GPM6A: variants seen among roughly 807,000 people sequenced by gnomAD.
GPM6A encodes the protein neuronal membrane glycoprotein M6-a.
Under a neutral mutation model 32.1 loss-of-function variants are expected in GPM6A, and 7 were observed. The ratio of observed to expected loss-of-function variants is 0.22; its 90% confidence interval spans 0.12 to 0.41. The LOEUF (loss-of-function observed/expected upper bound fraction) is 0.41. Among genes scored for constraint, GPM6A ranks in the 10% least tolerant of loss-of-function variants. The pLI is 1.00. For synonymous variants in GPM6A, 130 were observed against 123.4 expected (o/e 1.05, Z -0.35); for missense variants, 235 against 347.2 (o/e 0.68, Z 2.57).
intron 1 of GPM6A, among the ~76,000 whole-genome samples, chr4:175,952,285 T>A (rs1051290903): frequency 1.3e-5 from 2 of 152,220 alleles, no homozygotes; most frequent in African/African-American, 4.8e-5. Flanking sequence ...GATACTATAT[T>A]CCTTAAGAAG....
intron 1 of GPM6A, chr4:175,961,205 AT>A (rs1487854414): frequency 6.6e-6 from 1 of 152,202 alleles, no homozygotes; most frequent in African/African-American, 2.4e-5. Context: ...CTCTCGAAAT[AT>A]GCAAATTTTC....
Position 175,689,016 on chromosome 4 carries a change from C to A in GPM6A, c.230+12559G>T, listed in dbSNP as rs896166431. On this transcript the variant is annotated intron_variant, in intron 2 of 6. Transcript: ENST00000393658. The stretch of plus-strand genomic sequence containing the variant: ...TACAGGCAGGCACCACCATGCCTGG[C>A]TAATTATTCTACTTTTTTTGTAGAG... Among the ~76,000 whole-genome samples the A allele has an allele frequency of 2.6e-5, 4 of 152,068 alleles. No homozygotes were observed. In the East Asian group the frequency reaches 7.7e-4, roughly 29 times the overall value.
At chr4:175,792,938 G>A (rs888790615) in intron 1 of GPM6A, among the ~76,000 whole-genome samples, 13 of 152,300 alleles carry the variant, frequency 8.5e-5, no homozygotes, top group African/African-American at 3.1e-4. Flanking sequence ...CAGCACTTTA[G>A]GAGGCTGAGG....
chr4:175,886,985 C>T (rs151187281), intron 1 of GPM6A, among the ~76,000 whole-genome samples: 160 of 151,980 alleles, frequency 1.1e-3, no homozygotes, highest in African/African-American at 3.7e-3. Flanking sequence ...AAGTTGATAG[C>T]TAATTTAATA....
chr4:175,894,556 A>G (rs986441249), intron 1 of GPM6A, among the ~76,000 whole-genome samples: 1 of 152,178 alleles, frequency 6.6e-6, no homozygotes, highest in Non-Finnish European at 1.5e-5. Context: ...CATGGTTAAT[A>G]ATGTCTTCCA....
chr4:175,637,698 T>C (rs1299665147), intron 6 of GPM6A, among the ~76,000 whole-genome samples: 1 of 1,790 alleles, frequency 5.6e-4, no homozygotes, highest in African/African-American at 1.7e-3. Context: ...ATATAATATA[T>C]TATATATTAT....
intron 1 of GPM6A, among the ~76,000 whole-genome samples, chr4:175,793,227 T>A (rs1190803087): frequency 6.6e-6 from 1 of 152,200 alleles, no homozygotes; most frequent in South Asian, 2.1e-4. Flanking sequence ...TATGGCTTCA[T>A]ACAATATGAA....
intron 1 of GPM6A, among the ~76,000 whole-genome samples, chr4:175,855,568 G>A (rs1446302000): frequency 6.6e-6 from 1 of 152,154 alleles, no homozygotes; most frequent in Non-Finnish European, 1.5e-5. Context: ...CTCTATTCTA[G>A]TCAACAAAAT....
intron 1 of GPM6A, among the ~76,000 whole-genome samples, chr4:175,938,777 T>C (rs1739320668): frequency 6.6e-6 from 1 of 150,568 alleles, no homozygotes; most frequent in South Asian, 2.1e-4. Flanking sequence ...AGGTGATAGA[T>C]ATTCCAAGTA....
chr4:175,795,033 G>A (rs1734163151), intron 1 of GPM6A, among the ~76,000 whole-genome samples: 1 of 152,188 alleles, frequency 6.6e-6, no homozygotes, highest in African/African-American at 2.4e-5. Context: ...GGAAATAGTC[G>A]ATTACATTAC....
At chr4:175,659,328 C>T (rs1243344731) in intron 3 of GPM6A, among the ~76,000 whole-genome samples, 2 of 152,080 alleles carry the variant, frequency 1.3e-5, no homozygotes. Context: ...AATCCGCCCA[C>T]CTTGGCCTCC....
Position 175,890,090 on chromosome 4 carries a change from G to A in GPM6A, c.-22-77841C>T, listed in dbSNP as rs574928765. On this transcript the variant is annotated intron_variant, in intron 1 of 7. Coordinates refer to the GPM6A transcript ENST00000280187. ...CAGGCTCACTAATAATTAGATAAAA[G>A]CACATGAAAATAACAATGAGACTCT... Among the ~76,000 whole-genome samples, 8 of 152,070 alleles carry A rather than the reference G, an allele frequency of 5.3e-5. No homozygotes were observed. In the South Asian group the frequency reaches 1.7e-3, roughly 31 times the overall value.
chr4:175,879,743 CT>C (rs1737208848), intron 1 of GPM6A, among the ~76,000 whole-genome samples: 1 of 152,076 alleles, frequency 6.6e-6, no homozygotes, highest in Non-Finnish European at 1.5e-5. Context: ...CTTCCCTCCA[CT>C]AATTATTATG....
chr4:175,862,140 T>A (rs1248869680), intron 1 of GPM6A, among the ~76,000 whole-genome samples: 33 of 152,232 alleles, frequency 2.2e-4, no homozygotes, highest in Admixed American at 2.2e-3. Flanking sequence ...GCTGAGGCTA[T>A]AAGTTCCCTT....
At chr4:175,669,279 A>G (rs1484219125) in intron 3 of GPM6A, among the ~76,000 whole-genome samples, 3 of 152,230 alleles carry the variant, frequency 2.0e-5, no homozygotes. Context: ...CTAATCTAAT[A>G]TGCTGTGGCC....
chr4:175,935,090 A>G (rs558211825), intron 1 of GPM6A, among the ~76,000 whole-genome samples: 70 of 152,334 alleles, frequency 4.6e-4, no homozygotes, highest in African/African-American at 1.5e-3. Flanking sequence ...TGTGGATGAT[A>G]TCATTACTAA....
intron 1 of GPM6A, among the ~76,000 whole-genome samples, chr4:175,940,651 G>A (rs1739377270): frequency 1.3e-5 from 2 of 151,760 alleles, no homozygotes; most frequent in African/African-American, 4.9e-5. Flanking sequence ...CTGTCGCCCA[G>A]GCTGGAGAGT....
intron 1 of GPM6A, among the ~76,000 whole-genome samples, chr4:175,852,698 G>C (rs762453498): frequency 3.3e-5 from 5 of 152,096 alleles, no homozygotes; most frequent in Non-Finnish European, 7.4e-5. Flanking sequence ...CCAATAGATA[G>C]CACTTAATTT....
chr4:175,802,691 C>G (rs73006396), intron 1 of GPM6A, among the ~76,000 whole-genome samples: 110 of 152,104 alleles, frequency 7.2e-4, no homozygotes, highest in African/African-American at 2.4e-3. Flanking sequence ...TATGAATGAA[C>G]ACAGTAAGCC....
Sources: gnomAD v4.1 joint callset for allele counts (sites outside exome capture counted in the v4.1 genomes callset) on GRCh38, gnomAD v4.1.1 for gene constraint, MANE v1.5 for transcripts, NCBI Gene and HGNC (gene_info 2026-07-23, HGNC 2026-07-21) for gene names.